ARK2C: variants seen among roughly 807,000 people sequenced by gnomAD.
ARK2C encodes the protein arkadia (RNF111) C-terminal like ring finger ubiquitin ligase 2C, also known as E3 ubiquitin-protein ligase ARK2C.
the ARK2C span, chr18:46,337,307 CTGTTCTTATTT>C: frequency 1.0e-6 from 1 of 985,168 alleles, no homozygotes; most frequent in Non-Finnish European, 1.2e-6. Flanking sequence ...GAATTACTTC[CTGTTCTTATTT>C]TGTGGGTAAT....
At chr18:46,444,326 T>G in the ARK2C span, among the ~76,000 whole-genome samples, 1 of 152,180 alleles carries the variant, frequency 6.6e-6, no homozygotes, top group Non-Finnish European at 1.5e-5. Context: ...TTCAGCCATT[T>G]TTTCCCTAAA....
At chr18:46,441,935 C>A in the ARK2C span, among the ~76,000 whole-genome samples, 1 of 150,782 alleles carries the variant, frequency 6.6e-6, no homozygotes, top group African/African-American at 2.4e-5. Context: ...GAGGCCGAGA[C>A]GGGCGGATCA....
chr18:46,430,971 G>A, the ARK2C span, among the ~76,000 whole-genome samples: 3 of 152,114 alleles, frequency 2.0e-5, no homozygotes, highest in African/African-American at 7.2e-5. Context: ...GTATACACGT[G>A]CCATGGTGGT....
the ARK2C span, chr18:46,450,687 C>T: frequency 6.2e-7 from 1 of 1,605,258 alleles, no homozygotes; most frequent in South Asian, 1.1e-5. Context: ...CACATGTGCA[C>T]ATTTTTCTCT....
At chr18:46,351,614 C>T in the ARK2C span, among the ~76,000 whole-genome samples, 88,802 of 151,974 alleles carry the variant, frequency 0.58, 26,923 homozygotes, top group Non-Finnish European at 0.66. Flanking sequence ...TCATGAGGGG[C>T]ACATCAGGGG....
chr18:46,341,530 G>A, the ARK2C span, among the ~76,000 whole-genome samples: 2 of 152,200 alleles, frequency 1.3e-5, no homozygotes, highest in Non-Finnish European at 2.9e-5. Context: ...TTAGTGTACA[G>A]ATAAGCACAT....
chr18:46,349,632 G>T, the ARK2C span, among the ~76,000 whole-genome samples: 2 of 152,292 alleles, frequency 1.3e-5, no homozygotes, highest in Admixed American at 1.3e-4. Context: ...CACAGTTCTG[G>T]AGTGGGCTCT....
chr18:46,450,599 T>C, the ARK2C span: 5 of 904,366 alleles, frequency 5.5e-6, no homozygotes, highest in East Asian at 2.5e-5. Flanking sequence ...CTGATAGCTA[T>C]GTGAATGCTT....
At chr18:46,438,152 C>T in the ARK2C span, among the ~76,000 whole-genome samples, 1 of 152,354 alleles carries the variant, frequency 6.6e-6, no homozygotes, top group South Asian at 2.1e-4. Context: ...AAGAAATCTC[C>T]AAAACACAGT....
At chr18:46,402,318 C>T in the ARK2C span, among the ~76,000 whole-genome samples, 1 of 148,738 alleles carries the variant, frequency 6.7e-6, no homozygotes, top group Non-Finnish European at 1.5e-5. Flanking sequence ...AAACCTCCTT[C>T]CCTCTAAATC....
the ARK2C span, chr18:46,457,380 A>C: frequency 6.6e-6 from 1 of 152,506 alleles, no homozygotes; most frequent in Non-Finnish European, 1.5e-5. Flanking sequence ...TCATGTTTAC[A>C]GTGCACGGAG....
chr18:46,450,433 G>C, the ARK2C span: 1 of 1,455,324 alleles, frequency 6.9e-7, no homozygotes, highest in African/African-American at 1.4e-5. Flanking sequence ...AACTGGGTTG[G>C]TGGAGATGCC....
At chr18:46,443,541 G>A in the ARK2C span, among the ~76,000 whole-genome samples, 1 of 152,130 alleles carries the variant, frequency 6.6e-6, no homozygotes, top group African/African-American at 2.4e-5. Flanking sequence ...TAAACCAGTG[G>A]TTGGCAAATT....
chr18:46,378,577 G>T, the ARK2C span, among the ~76,000 whole-genome samples: 2 of 152,288 alleles, frequency 1.3e-5, no homozygotes, highest in East Asian at 3.9e-4. Context: ...TGGTCCAATT[G>T]TTCCAGTTTC....
At chr18:46,428,997 T>C in the ARK2C span, among the ~76,000 whole-genome samples, 1 of 152,174 alleles carries the variant, frequency 6.6e-6, no homozygotes, top group Non-Finnish European at 1.5e-5. Flanking sequence ...TTTCTTGCCC[T>C]CCTTCCCTCT....
the ARK2C span, among the ~76,000 whole-genome samples, chr18:46,367,084 A>C: frequency 2.0e-5 from 3 of 152,200 alleles, no homozygotes; most frequent in Admixed American, 2.0e-4. Flanking sequence ...ACAGGAAGAC[A>C]CTGGAGTTGG....
At chr18:46,412,467 A>G in the ARK2C span, among the ~76,000 whole-genome samples, 1 of 152,248 alleles carries the variant, frequency 6.6e-6, no homozygotes, top group African/African-American at 2.4e-5. Flanking sequence ...AGCAGAAAGC[A>G]GCCACCCTCC....
the ARK2C span, among the ~76,000 whole-genome samples, chr18:46,399,411 C>T: frequency 0.041 from 6,271 of 152,288 alleles, 415 homozygotes; most frequent in African/African-American, 0.14. Context: ...TGGGCCAGGC[C>T]ATGGGGCCTC....
the ARK2C span, chr18:46,458,267 G>A: frequency 6.6e-6 from 1 of 152,628 alleles, no homozygotes; most frequent in Non-Finnish European, 1.5e-5. Context: ...GAGATAAGAG[G>A]ACAGAAGAAT....
Sources: gnomAD v4.1 joint callset for allele counts (sites outside exome capture counted in the v4.1 genomes callset) on GRCh38, gnomAD v4.1.1 for gene constraint, MANE v1.5 for transcripts, NCBI Gene and HGNC (gene_info 2026-07-23, HGNC 2026-07-21) for gene names.